The following RARB variants were observed in gnomAD, a reference collection of about 807,000 sequenced individuals.
RARB encodes the protein HBV-activated protein.
Under a neutral mutation model 51.9 loss-of-function variants are expected in RARB, and 17 were observed. That is an observed-to-expected ratio of 0.33 (90% confidence interval 0.22 to 0.49). The LOEUF (loss-of-function observed/expected upper bound fraction) is 0.49, where lower values mean the gene tolerates loss of function less well. Ranked by LOEUF, RARB falls within the 20% of genes least tolerant of loss-of-function variation. The pLI is 0.99. For synonymous variants in RARB, 215 were observed against 195.4 expected (o/e 1.10, Z -0.84); for missense variants, 369 against 550.8 (o/e 0.67, Z 3.30).
rs200295267 is a variant in RARB at position 25,158,365 on chromosome 3, AC to A, written c.-279-15753del. Among the ~76,000 whole-genome samples, 307 of 152,344 alleles carry A rather than the reference AC, an allele frequency of 2.0e-3. 2 individuals carry two copies. Among genetic ancestry groups the A allele is most frequent in the East Asian group, 0.018 (95 of 5,188 alleles). On this transcript the variant is annotated intron_variant, in intron 4 of 11. Coordinates refer to the RARB transcript ENST00000383772. ...AGTTCCATGGCTTGCATTCTTTGTT[AC>A]AATTGCTTATAATCTCTCCCATAAA...
chr3:25,078,024 G>T (rs1698911582), intron 3 of RARB, among the ~76,000 whole-genome samples: 1 of 151,104 alleles, frequency 6.6e-6, no homozygotes, highest in Admixed American at 6.6e-5. Context: ...ATTTTTGTTT[G>T]ACTTCTATTG....
intron 2 of RARB, among the ~76,000 whole-genome samples, chr3:24,881,307 ACAAGAT>A (rs11276789): frequency 0.054 from 8,164 of 152,208 alleles, 394 homozygotes; most frequent in East Asian, 0.17. Context: ...ACAAACTACT[ACAAGAT>A]CTTCGTTTTT....
At chr3:25,098,544 A>C (rs1341390007) in intron 3 of RARB, among the ~76,000 whole-genome samples, 1 of 152,190 alleles carries the variant, frequency 6.6e-6, no homozygotes, top group Non-Finnish European at 1.5e-5. Flanking sequence ...TGCTGGGAAA[A>C]GATGAACCTA....
chr3:24,847,571 G>T (rs939160502), intron 1 of RARB, among the ~76,000 whole-genome samples: 1 of 152,170 alleles, frequency 6.6e-6, no homozygotes, highest in Non-Finnish European at 1.5e-5. Flanking sequence ...TTCCATTTGA[G>T]AACTTCCTTT....
intron 4 of RARB, among the ~76,000 whole-genome samples, chr3:25,169,123 C>A (rs1158382549): frequency 6.6e-6 from 1 of 152,144 alleles, no homozygotes; most frequent in East Asian, 1.9e-4. Flanking sequence ...TGAAGTGCAA[C>A]ACAAAAATAT....
chr3:25,080,084 T>C (rs1698963325), intron 3 of RARB, among the ~76,000 whole-genome samples: 1 of 152,218 alleles, frequency 6.6e-6, no homozygotes. Context: ...CATTAAGCAG[T>C]AACTCTGCCA....
chr3:25,253,857 G>A (rs141174430), intron 5 of RARB, among the ~76,000 whole-genome samples: 105 of 152,138 alleles, frequency 6.9e-4, no homozygotes, highest in African/African-American at 1.9e-3. Context: ...TTCTGGAACC[G>A]CACCTTTAGC....
At chr3:25,008,684 A>C (rs9868031) in intron 2 of RARB, among the ~76,000 whole-genome samples, 1 of 151,834 alleles carries the variant, frequency 6.6e-6, no homozygotes, top group Non-Finnish European at 1.5e-5. Flanking sequence ...GTTTTTCAAG[A>C]CCTTGTCAGC....
intron 2 of RARB, among the ~76,000 whole-genome samples, chr3:25,469,271 A>C (rs762036693): frequency 1.3e-5 from 2 of 152,222 alleles, no homozygotes; most frequent in Non-Finnish European, 2.9e-5. Context: ...TCTATTAAAT[A>C]CTTTAAATGA....
At chr3:25,488,709 TAGA>T (rs887822718) in intron 2 of RARB, among the ~76,000 whole-genome samples, 4 of 152,318 alleles carry the variant, frequency 2.6e-5, no homozygotes, top group South Asian at 2.1e-4. Flanking sequence ...ATACAGGAAA[TAGA>T]AGAAGAACAG....
At chr3:24,900,315 T>G (rs966665686) in intron 2 of RARB, among the ~76,000 whole-genome samples, 1 of 152,200 alleles carries the variant, frequency 6.6e-6, no homozygotes, top group Non-Finnish European at 1.5e-5. Flanking sequence ...ACTATTACAG[T>G]TTGTGGAATG....
chr3:25,038,229 T>C (rs1245992034), intron 2 of RARB, among the ~76,000 whole-genome samples: 1 of 152,186 alleles, frequency 6.6e-6, no homozygotes, highest in Non-Finnish European at 1.5e-5. Context: ...ACTTGGTAAA[T>C]TGAACCTCTT....
At chr3:24,952,356 C>A (rs1443407628) in intron 2 of RARB, among the ~76,000 whole-genome samples, 1 of 152,002 alleles carries the variant, frequency 6.6e-6, no homozygotes, top group Non-Finnish European at 1.5e-5. Flanking sequence ...TTTTATACCA[C>A]CCACCCAATG....
At chr3:25,082,582 A>C (rs1040622698) in intron 3 of RARB, among the ~76,000 whole-genome samples, 16 of 151,956 alleles carry the variant, frequency 1.1e-4, no homozygotes, top group African/African-American at 3.9e-4. Flanking sequence ...CTTTTGTGTT[A>C]TTTCTCTAAT....
chr3:25,293,419 C>T (rs920420083), intron 5 of RARB, among the ~76,000 whole-genome samples: 1 of 151,924 alleles, frequency 6.6e-6, no homozygotes, highest in African/African-American at 2.4e-5. Flanking sequence ...AGCCCTCAAA[C>T]GTTCATTGTT....
intron 5 of RARB, among the ~76,000 whole-genome samples, chr3:25,378,586 C>G (rs1487757731): frequency 6.6e-6 from 1 of 152,216 alleles, no homozygotes; most frequent in Non-Finnish European, 1.5e-5. Context: ...TGTATGTTCT[C>G]TGCTATCATC....
chr3:25,173,230 A>G (rs1700676438), intron 4 of RARB, among the ~76,000 whole-genome samples: 1 of 152,234 alleles, frequency 6.6e-6, no homozygotes, highest in Admixed American at 6.5e-5. Context: ...ATTGTCCTTC[A>G]TGAAGCATGG....
Position 25,208,358 on chromosome 3 carries a change from A to G in RARB, c.178+33783A>G, listed in dbSNP as rs148196102. On this transcript the variant is annotated intron_variant, in intron 5 of 11. Transcript: ENST00000383772. ...TGAATATAAGTTCATCAGAAGTCTC[A>G]TCCACTTATAGACAGTAAAATGCTG... Among the ~76,000 whole-genome samples the G allele has an allele frequency of 1.6e-4, 24 of 152,314 alleles. No individual in the cohort carries two copies. In the East Asian group the frequency reaches 4.6e-3, roughly 29 times the overall value.
intron 4 of RARB, among the ~76,000 whole-genome samples, chr3:25,138,948 G>A (rs1179444150): frequency 6.6e-6 from 1 of 152,064 alleles, no homozygotes; most frequent in Non-Finnish European, 1.5e-5. Flanking sequence ...AATATTCTCT[G>A]AATATTTCAA....
Sources: gnomAD v4.1 joint callset for allele counts (sites outside exome capture counted in the v4.1 genomes callset) on GRCh38, gnomAD v4.1.1 for gene constraint, MANE v1.5 for transcripts, NCBI Gene and HGNC (gene_info 2026-07-23, HGNC 2026-07-21) for gene names.